The following ZER1 variants were observed in gnomAD, a reference collection of about 807,000 sequenced individuals.
ZER1 encodes protein zer-1 homolog.
Under a neutral mutation model 78.8 loss-of-function variants are expected in ZER1, and 11 were observed. The observed-to-expected ratio is 0.14, with a 90% CI of 0.09 to 0.23. The LOEUF (loss-of-function observed/expected upper bound fraction) is 0.23. ZER1 is among the 10% of genes least tolerant of loss of function. The probability of loss-of-function intolerance (pLI) is 1.00; values close to 1 mark genes in which losing one functional copy is unlikely to be tolerated. For missense variants in ZER1, 588 were observed against 996.9 expected (o/e 0.59, Z 5.52); for synonymous variants, 400 against 407.0 (o/e 0.98, Z 0.21).
Position 128,740,667 on chromosome 9 carries a change from T to A in ZER1, c.1853+105A>T. ...ACCACATTATCGAGGGAAAATGACA[T>A]TTATAGCAAACCTAGGCTAAGAGCA... On this transcript the variant is annotated intron_variant, in intron 12 of 15. Coordinates refer to ENST00000291900, the MANE Select transcript of ZER1 (RefSeq NM_006336.4). The surrounding 1 kb of genome is among the most constrained non-coding windows in gnomAD (Gnocchi z 4.4). 1 of 648,836 alleles carries A rather than the reference T, an allele frequency of 1.5e-6. No individual in the cohort carries two copies. 40.2% of individuals were successfully genotyped at this position (648,836 alleles called of 1,614,324 possible). A position where few individuals can be genotyped will look rare whatever the true frequency, so the allele number is the denominator to read the frequency against.
intron 1 of ZER1, among the ~76,000 whole-genome samples, chr9:128,770,163 C>A (rs1864338843): frequency 6.6e-6 from 1 of 152,286 alleles, no homozygotes; most frequent in African/African-American, 2.4e-5. Flanking sequence ...ACTCTTGTCA[C>A]CCAGGCTGGA....
intron 1 of ZER1, among the ~76,000 whole-genome samples, chr9:128,756,879 G>A (rs1863876374): frequency 6.6e-6 from 1 of 152,164 alleles, no homozygotes; most frequent in Admixed American, 6.6e-5. Context: ...TGTGACATGT[G>A]AATTATATAT....
At chr9:128,762,263 C>T (rs370287096) in intron 1 of ZER1, among the ~76,000 whole-genome samples, 14 of 152,272 alleles carry the variant, frequency 9.2e-5, no homozygotes, top group East Asian at 5.8e-4. Context: ...CCAGCATTGT[C>T]CCAGCTTCTG....
chr9:128,766,969 T>C (rs1344814263), intron 1 of ZER1, among the ~76,000 whole-genome samples: 2 of 150,420 alleles, frequency 1.3e-5, no homozygotes, highest in African/African-American at 4.9e-5. Context: ...TGAGATGGAA[T>C]TTTGCTCTTG....
intron 4 of ZER1, 83 bp from the exon 5 acceptor site, chr9:128,752,932 AG>A: frequency 6.6e-7 from 1 of 1,504,174 alleles, no homozygotes; most frequent in Non-Finnish European, 8.9e-7. Flanking sequence ...TTTAGTCTGT[AG>A]CAGGGGAGGG....
chr9:128,762,774 C>T (rs1000898624), intron 1 of ZER1, among the ~76,000 whole-genome samples: 3 of 152,178 alleles, frequency 2.0e-5, no homozygotes, highest in Non-Finnish European at 4.4e-5. Flanking sequence ...GGCAGCATGG[C>T]ACCCTCGAGG....
Position 128,742,526 on chromosome 9 carries a change from G to A in ZER1, c.1575+4C>T, listed in dbSNP as rs377315216. 2.7e-5 allele frequency: 44 copies of A among 1,613,534 alleles called. No individual in the cohort carries two copies. Among genetic ancestry groups the A allele is most frequent in the African/African-American group, 1.3e-4 (10 of 74,922 alleles). On this transcript the variant is annotated splice_donor_region_variant and intron_variant, in intron 9 of 15. Transcript: ENST00000291900. Reference sequence around the variant, plus strand: ...AGGAAGGGGGCAGCGCCCCCCACACGTACCACGACAAAGCCCATCTTGCCC... The same window carrying A: ...AGGAAGGGGGCAGCGCCCCCCACACATACCACGACAAAGCCCATCTTGCCC...
At position 128,755,251 on chromosome 9, in the gene ZER1, C is replaced by A. The variant is rs1589536784; in HGVS notation, c.158+157G>T. Among the ~76,000 whole-genome samples the A allele has an allele frequency of 6.6e-6, 1 of 151,938 alleles. No homozygotes were observed. The highest frequency in any genetic ancestry group is 2.4e-5 in the African/African-American group (1 of 41,362). On this transcript the variant is annotated intron_variant, in intron 2 of 15. Transcript: ENST00000291900. This position sits in a 1 kb window ranked among gnomAD's most constrained non-coding sequence, Gnocchi z 5.6. Reference sequence around the variant, plus strand: ...CACCTTTACGGTTATGGATACACCACTATTCTCTTGCAGCCATGAACATCC... The same window carrying A: ...CACCTTTACGGTTATGGATACACCAATATTCTCTTGCAGCCATGAACATCC...
intron 14 of ZER1, among the ~76,000 whole-genome samples, chr9:128,734,168 C>A (rs1862969428): frequency 2.4e-4 from 11 of 45,272 alleles, no homozygotes; most frequent in Non-Finnish European, 3.4e-4. Context: ...TATATAAAAT[C>A]TTAAAAAAAA....
intron 1 of ZER1, among the ~76,000 whole-genome samples, chr9:128,759,586 G>C (rs1863977016): frequency 6.6e-6 from 1 of 152,002 alleles, no homozygotes; most frequent in Non-Finnish European, 1.5e-5. Context: ...ATGAGGTCAG[G>C]AGATTGAGAC....
At chr9:128,733,561 G>C in intron 14 of ZER1, 33 bp from the exon 15 acceptor site, 1 of 1,590,750 alleles carries the variant, frequency 6.3e-7, no homozygotes, top group Non-Finnish European at 8.6e-7. Context: ...AGAGGATCAG[G>C]ATGGGTCTTC....
At chr9:128,736,171 C>A (rs1467114984) in intron 13 of ZER1, among the ~76,000 whole-genome samples, 1 of 151,952 alleles carries the variant, frequency 6.6e-6, no homozygotes, top group Non-Finnish European at 1.5e-5. Flanking sequence ...AGGATGGTCT[C>A]GATCTCCTGA....
chr9:128,732,822 T>G lies in ZER1; in HGVS notation c.2243+604A>C, dbSNP rs1862879292. On this transcript the variant is annotated intron_variant, in intron 15 of 15. Coordinates refer to ENST00000291900, the MANE Select transcript of ZER1 (RefSeq NM_006336.4). The surrounding 1 kb of genome is among the most constrained non-coding windows in gnomAD (Gnocchi z 4.8). ...CATGAAAAAGTGTGCTCGGGTCAGC[T>G]TGACTGTTCTCCCTTCTAGAATGAA... 1 of 153,104 alleles carries G rather than the reference T, an allele frequency of 6.5e-6. No individual in the cohort carries two copies. Among genetic ancestry groups the G allele is most frequent in the Non-Finnish European group, 1.5e-5 (1 of 68,584 alleles). 9.5% of individuals were successfully genotyped at this position (153,104 alleles called of 1,614,324 possible).
intron 15 of ZER1, chr9:128,733,163 TG>T: frequency 2.3e-6 from 1 of 431,444 alleles, no homozygotes; most frequent in Non-Finnish European, 4.3e-6. Flanking sequence ...GGATGGAATT[TG>T]TTGGGAATAA....
intron 1 of ZER1, among the ~76,000 whole-genome samples, chr9:128,767,801 C>T (rs1042735098): frequency 1.3e-5 from 2 of 152,160 alleles, no homozygotes; most frequent in African/African-American, 2.4e-5. Flanking sequence ...GTAACCACTC[C>T]GTGGCATGTC....
In ZER1 at chr9:128,753,458, C is replaced by G; in HGVS notation, c.452G>C (p.Gly151Ala). Residue 151 changes from glycine to alanine, a missense_variant, in exon 4 of 16, where the codon GGC becomes GCC. Transcript: ENST00000291900. This position sits in a 1 kb window ranked among gnomAD's most constrained non-coding sequence, Gnocchi z 7.5. ...NIFYEEENPGGCEDEYLVNPT... is the reference protein window; with the variant it reads ...NIFYEEENPGACEDEYLVNPT... ...GTTGACGAGGTACTCATCTTCACAG[C>G]CCCCTGGGTTCTCCTCCTCATAGAA... The G allele has an allele frequency of 1.2e-6, 2 of 1,614,156 alleles. No homozygotes were observed. The highest frequency in any genetic ancestry group is 1.7e-6 in the Non-Finnish European group (2 of 1,180,018).
At chr9:128,735,477 AGT>A in intron 13 of ZER1, 46 bp from the exon 14 acceptor site, 1 of 1,569,256 alleles carries the variant, frequency 6.4e-7, no homozygotes, top group South Asian at 1.2e-5. Flanking sequence ...GAGGGTGGGG[AGT>A]GTGTCTTTTC....
intron 8 of ZER1, among the ~76,000 whole-genome samples, chr9:128,743,608 T>TG (rs1863380802): frequency 6.6e-6 from 1 of 151,980 alleles, no homozygotes; most frequent in Non-Finnish European, 1.5e-5. Flanking sequence ...TTTGTAGAGA[T>TG]GGGGTCTCAC....
chr9:128,737,226 T>G (rs1305641084), intron 13 of ZER1, among the ~76,000 whole-genome samples: 1 of 151,750 alleles, frequency 6.6e-6, no homozygotes, highest in Non-Finnish European at 1.5e-5. Context: ...TCAAGTGATC[T>G]TCCTGCCTTG....
Sources: allele counts gnomAD v4.1 joint callset (sites outside exome capture counted in the v4.1 genomes callset), GRCh38; gene constraint gnomAD v4.1.1; non-coding constraint Gnocchi (gnomAD v3.1); transcripts MANE v1.5; gene names NCBI Gene and HGNC (gene_info 2026-07-23, HGNC 2026-07-21).